RUFY4: variants seen among roughly 807,000 people sequenced by gnomAD.
RUFY4 encodes the protein RUN and FYVE domain containing 4.
A neutral mutation model predicts 69.0 loss-of-function variants in RUFY4; 73 were observed. The observed-to-expected ratio is 1.06, with a 90% CI of 0.88 to 1.29. The LOEUF is 1.29. Among genes scored for constraint, RUFY4 ranks in the 50% most tolerant of loss-of-function variants. The probability of loss-of-function intolerance (pLI) is 0.00; values close to 1 mark genes in which losing one functional copy is unlikely to be tolerated. For missense variants in RUFY4, 770 were observed against 705.6 expected, an observed-to-expected ratio of 1.09 and a Z score of -1.03; for synonymous variants, 287 against 271.8, an observed-to-expected ratio of 1.06 and a Z score of -0.55.
At chr2:218,074,965 T>A in intron 6 of RUFY4, 128 bp from the exon 9 acceptor site, 1 of 1,014,308 alleles carries the variant, frequency 9.9e-7, no homozygotes, top group Non-Finnish European at 1.4e-6. Context: ...AATCAAAGCT[T>A]CCAGTGAGAG....
chr2:218,040,325 T>G (rs2106025586), intron 2 of RUFY4, among the ~76,000 whole-genome samples: 1 of 152,244 alleles, frequency 6.6e-6, no homozygotes, highest in African/African-American at 2.4e-5. Context: ...TCGTCTGACT[T>G]GGTTTCCCTA....
chr2:218,063,873 T>C (rs1270938528), intron 3 of RUFY4, among the ~76,000 whole-genome samples: 1 of 152,182 alleles, frequency 6.6e-6, no homozygotes, highest in African/African-American at 2.4e-5. Flanking sequence ...TCACCTGAGC[T>C]GAGCTTCCAC....
intron 2 of RUFY4, among the ~76,000 whole-genome samples, chr2:218,056,448 G>A (rs77049009): frequency 0.011 from 1,633 of 152,146 alleles, 31 homozygotes; most frequent in African/African-American, 0.038. Context: ...TTGCCCAAAT[G>A]TGGCCCGGGT....
chr2:218,043,282 C>T (rs568935950), intron 2 of RUFY4, among the ~76,000 whole-genome samples: 1 of 152,234 alleles, frequency 6.6e-6, no homozygotes, highest in Admixed American at 6.5e-5. Context: ...ATTTGGTCAT[C>T]TTCCACTCTC....
At position 218,058,859 on chromosome 2, in the gene RUFY4, C is replaced by T. The variant is rs1179214312; in HGVS notation, c.-1071+178C>T. Among the ~76,000 whole-genome samples, 3 of 152,076 alleles carry T rather than the reference C, an allele frequency of 2.0e-5. No individual in the cohort carries two copies. In the East Asian group the frequency reaches 5.8e-4, roughly 29 times the overall value. On this transcript the variant is annotated intron_variant and NMD_transcript_variant, in intron 3 of 13. Coordinates refer to the RUFY4 transcript ENST00000457754. Reference sequence around the variant, plus strand: ...CTCAACCCTTTGCACCTTCTAAGTCCCACCCCTGACACTCCTGACTACTGC... The same window carrying T: ...CTCAACCCTTTGCACCTTCTAAGTCTCACCCCTGACACTCCTGACTACTGC...
chr2:218,075,844 A>C, intron 7 of RUFY4, 104 bp downstream of exon 9: 1 of 1,164,408 alleles, frequency 8.6e-7, no homozygotes, highest in Non-Finnish European at 1.1e-6. Flanking sequence ...CCCACGGGTC[A>C]ATTTTTATTG....
intron 3 of RUFY4, 83 bp downstream of exon 5, chr2:218,072,582 A>C: frequency 6.7e-7 from 1 of 1,497,010 alleles, no homozygotes; most frequent in South Asian, 1.3e-5. Flanking sequence ...TGCTCTACCG[A>C]CCATAGACCC....
At chr2:218,072,674 C>T (rs1689517066) in intron 3 of RUFY4, 105 bp from the exon 6 acceptor site, 1 of 1,300,638 alleles carries the variant, frequency 7.7e-7, no homozygotes, top group Admixed American at 2.5e-5. Flanking sequence ...TCAGGTCCCC[C>T]TGCACCCTTC....
intron 2 of RUFY4, among the ~76,000 whole-genome samples, chr2:218,057,756 G>A (rs1215959590): frequency 6.6e-6 from 1 of 152,186 alleles, no homozygotes; most frequent in African/African-American, 2.4e-5. Flanking sequence ...TGCCTTTTCA[G>A]GAAACATTTT....
At chr2:218,056,714 C>T (rs1689073566) in intron 2 of RUFY4, among the ~76,000 whole-genome samples, 1 of 152,226 alleles carries the variant, frequency 6.6e-6, no homozygotes, top group African/African-American at 2.4e-5. Flanking sequence ...CCAGGGATTA[C>T]ATCACAGTTC....
At chr2:218,050,214 G>C (rs7588208) in intron 2 of RUFY4, among the ~76,000 whole-genome samples, 12,703 of 152,172 alleles carry the variant, frequency 0.083, 1,634 homozygotes, top group African/African-American at 0.28. Flanking sequence ...TTCAGTGTCC[G>C]CTCCTGCAGC....
intron 3 of RUFY4, among the ~76,000 whole-genome samples, chr2:218,063,324 A>G (rs909166972): frequency 7.9e-5 from 12 of 152,156 alleles, no homozygotes; most frequent in African/African-American, 2.4e-4. Context: ...AGGTCCCAGA[A>G]CCCACTTCAC....
At chr2:218,079,904 T>C (rs532186452) in intron 8 of RUFY4, among the ~76,000 whole-genome samples, 2 of 151,826 alleles carry the variant, frequency 1.3e-5, no homozygotes, top group African/African-American at 2.4e-5. Flanking sequence ...CCAATGGCCA[T>C]TGGATGGATG....
At chr2:218,050,209 T>A (rs1349020730) in intron 2 of RUFY4, among the ~76,000 whole-genome samples, 2 of 152,224 alleles carry the variant, frequency 1.3e-5, no homozygotes, top group Non-Finnish European at 2.9e-5. Context: ...CCACTTTCAG[T>A]GTCCGCTCCT....
intron 2 of RUFY4, among the ~76,000 whole-genome samples, chr2:218,039,355 C>A (rs115819704): frequency 6.6e-6 from 1 of 152,134 alleles, no homozygotes; most frequent in African/African-American, 2.4e-5. Flanking sequence ...GAGTGTGTGA[C>A]CAAAAGCAAT....
At chr2:218,072,950 G>A in intron 4 of RUFY4, 65 bp downstream of exon 6, 1 of 1,318,070 alleles carries the variant, frequency 7.6e-7, no homozygotes, top group Non-Finnish European at 1.0e-6. Context: ...TTGTAAAAGA[G>A]CCCTCCTTTA....
At chr2:218,043,758 G>A (rs1688757889) in intron 2 of RUFY4, among the ~76,000 whole-genome samples, 1 of 152,186 alleles carries the variant, frequency 6.6e-6, no homozygotes, top group Non-Finnish European at 1.5e-5. Flanking sequence ...CTTTGAAGGT[G>A]GGGCTTCGCC....
At chr2:218,064,316 G>A (rs1057362095), upstream of RUFY4, among the ~76,000 whole-genome samples, 6 of 151,706 alleles carry the variant, frequency 4.0e-5, no homozygotes, top group Non-Finnish European at 8.8e-5. Context: ...CAGCTCTGGT[G>A]GTCAGCCAGA....
chr2:218,079,054 A>G (rs1425756218), intron 8 of RUFY4, among the ~76,000 whole-genome samples: 1 of 152,122 alleles, frequency 6.6e-6, no homozygotes, highest in Non-Finnish European at 1.5e-5. Context: ...TTTTTAGTAG[A>G]GATGGGGTTT....
Sources: gnomAD v4.1 joint callset for allele counts (sites outside exome capture counted in the v4.1 genomes callset) on GRCh38, gnomAD v4.1.1 for gene constraint, MANE v1.5 for transcripts, NCBI Gene and HGNC (gene_info 2026-07-23, HGNC 2026-07-21) for gene names.